CCDC68: variants seen among roughly 807,000 people sequenced by gnomAD.
The protein encoded by CCDC68 is coiled-coil domain-containing protein 68.
In CCDC68, 45 loss-of-function variants were observed where a neutral mutation model predicts 47.1. That is an observed-to-expected ratio of 0.96 (90% CI 0.75 to 1.23). The LOEUF (loss-of-function observed/expected upper bound fraction) is 1.23, where lower values mean the gene tolerates loss of function less well. Ranked by LOEUF, CCDC68 falls within the 50% of genes most tolerant of loss-of-function variation. The pLI, the probability that CCDC68 is intolerant of heterozygous loss-of-function variation, is 0.00. For synonymous variants in CCDC68, 131 were observed against 129.5 expected (o/e 1.01, Z -0.08); for missense variants, 353 against 373.6 (o/e 0.94, Z 0.45).
chr18:54,931,411 C>T (rs1157649868), intron 7 of CCDC68, among the ~76,000 whole-genome samples: 2 of 152,204 alleles, frequency 1.3e-5, no homozygotes, highest in Non-Finnish European at 2.9e-5. Flanking sequence ...CCAGGCTGAT[C>T]GGAGAGGGCA....
At position 54,942,784 on chromosome 18, in the gene CCDC68, G is replaced by T; in HGVS notation, c.8C>A (p.Thr3Lys). Reference sequence around the variant, plus strand: ...GGGAATTTCTGTGGTCACTGTCACTGTTGTCATTGTGAATTCTGGCTTTAG... The same window carrying T: ...GGGAATTTCTGTGGTCACTGTCACTTTTGTCATTGTGAATTCTGGCTTTAG... MT[T>K]VTVTTEIPPR... is the part of the protein sequence containing the mutation. Residue 3 changes from threonine to lysine, a missense_variant, in exon 3 of 12, where the codon ACA (threonine) becomes AAA (lysine). Transcript: ENST00000591504. 1 of 1,595,898 alleles carries T rather than the reference G, an allele frequency of 6.3e-7. No homozygotes were observed. Among genetic ancestry groups the T allele is most frequent in the Non-Finnish European group, 8.6e-7 (1 of 1,164,720 alleles).
intron 9 of CCDC68, 96 bp downstream of exon 9, chr18:54,919,175 A>T: frequency 1.1e-6 from 1 of 891,926 alleles, no homozygotes; most frequent in Non-Finnish European, 1.9e-6. Flanking sequence ...AGGGAGAGAA[A>T]TCTCATTGCT....
chr18:54,932,126 A>G (rs7229012), intron 7 of CCDC68, among the ~76,000 whole-genome samples: 151,453 of 151,968 alleles, frequency 1, 75,472 homozygotes, highest in Middle Eastern at 1. Flanking sequence ...GCCAAACTTC[A>G]TTCCTTATAG....
At chr18:54,955,955 C>A (rs948687556) in intron 1 of CCDC68, among the ~76,000 whole-genome samples, 13 of 151,428 alleles carry the variant, frequency 8.6e-5, no homozygotes, top group African/African-American at 3.2e-4. Flanking sequence ...AACTCCTGAC[C>A]TCAGGTGATC....
intron 2 of CCDC68, among the ~76,000 whole-genome samples, chr18:54,945,053 A>G (rs772421598): frequency 2.0e-4 from 30 of 152,218 alleles, no homozygotes; most frequent in Non-Finnish European, 1.0e-4. Flanking sequence ...CATTCTTTAA[A>G]AGGATTGTAT....
At chr18:54,920,849 T>A (rs1472548935) in intron 8 of CCDC68, among the ~76,000 whole-genome samples, 1 of 152,206 alleles carries the variant, frequency 6.6e-6, no homozygotes, top group Non-Finnish European at 1.5e-5. Context: ...ACTGGGTATA[T>A]ACCCAAAGGA....
At chr18:54,921,390 C>G in intron 8 of CCDC68, among the ~76,000 whole-genome samples, 1 of 152,068 alleles carries the variant, frequency 6.6e-6, no homozygotes, top group East Asian at 1.9e-4. Context: ...TTTAATTGGT[C>G]CAATAGAGTC....
rs369078841 is a variant in CCDC68 at position 54,917,936 on chromosome 18, T to C, written c.850A>G (p.Lys284Glu). The part of the protein sequence containing the change: ...QDKRIENLRE[K>E]VNILEAQNKE... ...ACCTGGGCTTCAAGTATGTTAACCT[T>C]TTCTCTGAGATTTTCAATTCTTTTG... The change falls in exon 10 of 12, where the codon AAG becomes GAG. Residue 284 changes from lysine (K) to glutamate (E), a missense_variant. Lys to Glu is a moderately conservative substitution (Grantham distance 56, BLOSUM62 1). Transcript: ENST00000591504. 21 of 1,577,856 alleles carry C rather than the reference T, an allele frequency of 1.3e-5. No homozygotes were observed. Among genetic ancestry groups the C allele is most frequent in the Non-Finnish European group, 1.7e-5 (20 of 1,151,214 alleles).
intron 8 of CCDC68, among the ~76,000 whole-genome samples, chr18:54,923,585 A>G (rs1336103121): frequency 2.6e-5 from 4 of 152,204 alleles, no homozygotes; most frequent in African/African-American, 9.7e-5. Flanking sequence ...GAAAATCTCT[A>G]TTAGGACTGT....
chr18:54,902,940 A>T lies in CCDC68; in HGVS notation c.*1418T>A, dbSNP rs1352702538. On this transcript the variant is annotated 3_prime_UTR_variant, in exon 12 of 12. Coordinates refer to ENST00000591504, the MANE Select transcript of CCDC68 (RefSeq NM_025214.3). ...AGATAAAATAAATTAATACAAGTAA[A>T]GTGCTTAGACTTGTTGCTGGTATAA... 6.6e-6 allele frequency: 1 copy of T among 152,206 alleles called. No homozygotes were observed. Among genetic ancestry groups the T allele is most frequent in the East Asian group, 1.9e-4 (1 of 5,202 alleles). The allele number at this position is 152,206 out of a possible 1,614,324, so 9.4% of individuals were successfully genotyped here.
At chr18:54,928,734 G>T in intron 8 of CCDC68, 66 bp downstream of exon 8, 2 of 976,148 alleles carry the variant, frequency 2.0e-6, no homozygotes, top group Non-Finnish European at 3.3e-6. Flanking sequence ...CTGTTCCCTG[G>T]CTGGCATACC....
At chr18:54,950,048 T>A (rs2044588378) in intron 1 of CCDC68, among the ~76,000 whole-genome samples, 1 of 152,204 alleles carries the variant, frequency 6.6e-6, no homozygotes, top group African/African-American at 2.4e-5. Context: ...ACCTAGTTTT[T>A]CAACATTCCC....
intron 1 of CCDC68, chr18:54,954,680 T>C (rs536093656): frequency 6.6e-6 from 1 of 152,326 alleles, no homozygotes; most frequent in East Asian, 1.9e-4. Context: ...GAAGGTGGAT[T>C]CCTGTAGATG....
chr18:54,936,121 AATAT>A (rs1163272118), intron 6 of CCDC68, among the ~76,000 whole-genome samples: 1 of 146,124 alleles, frequency 6.8e-6, no homozygotes, highest in Non-Finnish European at 1.5e-5. Flanking sequence ...TATATAGATA[AATAT>A]ATTTATTTAT....
At chr18:54,922,798 G>A (rs2044082552) in intron 8 of CCDC68, among the ~76,000 whole-genome samples, 1 of 151,900 alleles carries the variant, frequency 6.6e-6, no homozygotes, top group Non-Finnish European at 1.5e-5. Flanking sequence ...GATCAGCCTG[G>A]CCAACATGGT....
chr18:54,939,084 A>G (rs1290728156), intron 4 of CCDC68, among the ~76,000 whole-genome samples: 7 of 152,224 alleles, frequency 4.6e-5, no homozygotes, highest in Admixed American at 4.6e-4. Context: ...AACAAAATAT[A>G]TGTTCTTTTC....
rs190722012 is a variant in CCDC68, at chr18:54,903,979, A to C, written c.*379T>G. 2.6e-4 allele frequency: 49 copies of C among 189,798 alleles called. No homozygotes were observed. Among genetic ancestry groups the C allele is most frequent in the African/African-American group, 1.2e-3 (49 of 42,100 alleles). The allele number at this position is 189,798 out of a possible 1,614,324, so 11.8% of individuals were successfully genotyped here. A position where few individuals can be genotyped will look rare whatever the true frequency, so the allele number is the denominator to read the frequency against. ...AATGTATGTTCATTCATACACATAT[A>C]CACTCTCCCTTCTATTTATACTCTT... is the stretch of plus-strand genomic sequence containing the variant. On this transcript the variant is annotated 3_prime_UTR_variant, in exon 12 of 12. Coordinates refer to ENST00000591504, the MANE Select transcript of CCDC68 (RefSeq NM_025214.3).
intron 2 of CCDC68, among the ~76,000 whole-genome samples, chr18:54,943,175 C>G (rs1361043807): frequency 2.0e-5 from 3 of 151,958 alleles, no homozygotes; most frequent in African/African-American, 7.2e-5. Flanking sequence ...ACAATTATAA[C>G]AAAATTATGT....
chr18:54,937,082 TG>T (rs1555676903), intron 5 of CCDC68, 124 bp from the exon 6 acceptor site: 3 of 834,050 alleles, frequency 3.6e-6, no homozygotes, highest in Non-Finnish European at 5.7e-6. Flanking sequence ...TCATAGACAA[TG>T]GATACGAGAG....
Sources: allele counts gnomAD v4.1 joint callset (sites outside exome capture counted in the v4.1 genomes callset), GRCh38; gene constraint gnomAD v4.1.1; transcripts MANE v1.5; gene names NCBI Gene and HGNC (gene_info 2026-07-23, HGNC 2026-07-21).